METTL21C: variants seen among roughly 807,000 people sequenced by gnomAD.
METTL21C encodes protein-lysine methyltransferase METTL21C.
Under a neutral mutation model 25.9 loss-of-function variants are expected in METTL21C, and 21 were observed. The observed-to-expected ratio is 0.81, with a 90% CI of 0.58 to 1.17. METTL21C has a LOEUF of 1.17. Ranked by LOEUF, METTL21C falls within the 50% of genes most tolerant of loss-of-function variation. METTL21C has a pLI of 0.00. For synonymous variants in METTL21C, 125 were observed against 124.7 expected (o/e 1.00, Z -0.01); for missense variants, 312 against 315.1 (o/e 0.99, Z 0.07).
At position 102,686,485 on chromosome 13, in the gene METTL21C, C is replaced by G. The variant is rs1885678768; in HGVS notation, c.401-60G>C. On this transcript the variant is annotated intron_variant, in intron 3 of 3. Coordinates refer to ENST00000267273, the MANE Select transcript of METTL21C (RefSeq NM_001010977.3). ...CTGGGCAGTCACAGTGTACATATAC[C>G]CAGGGAGAAACACAAGAAACAACTG... 5.3e-6 allele frequency: 8 copies of G among 1,523,656 alleles called. No individual in the cohort carries two copies. In the Admixed American group the frequency reaches 8.6e-5, roughly 16 times the overall value. The allele number at this position is 1,523,656 out of a possible 1,614,324, so 94.4% of individuals were successfully genotyped here.
chr13:102,696,245 T>C (rs1885945619), upstream of METTL21C, among the ~76,000 whole-genome samples: 1 of 152,142 alleles, frequency 6.6e-6, no homozygotes, highest in African/African-American at 2.4e-5. Context: ...ACCATCATTC[T>C]CAGCAAACTA....
rs1885911307 is a variant in METTL21C at position 102,694,613 on chromosome 13, G to GT, written c.-116dup. On this transcript the variant is annotated 5_prime_UTR_variant, in exon 1 of 4. Transcript: ENST00000267273. ...CATCTATGATCTACATCGCATGTTC[G>GT]TAATTAATACAGAATTGGAAATGAC... is the stretch of plus-strand genomic sequence containing the variant. 6.0e-6 allele frequency: 1 copy of GT among 165,880 alleles called. No individual in the cohort carries two copies. The highest frequency in any genetic ancestry group is 8.2e-6 in the Non-Finnish European group (1 of 122,562). 10.3% of individuals were successfully genotyped at this position (165,880 alleles called of 1,614,324 possible). A position where few individuals can be genotyped will look rare whatever the true frequency, so the allele number is the denominator to read the frequency against.
chr13:102,700,132 T>C, the METTL21C span, among the ~76,000 whole-genome samples: 1 of 152,220 alleles, frequency 6.6e-6, no homozygotes, highest in Non-Finnish European at 1.5e-5. Context: ...AAATAAAGCA[T>C]AGCAGTAAAA....
rs772280054 is a variant in METTL21C at position 102,690,900 on chromosome 13, G to A, written c.195C>T (p.Ser65=). The A allele has an allele frequency of 2.5e-6, 4 of 1,614,142 alleles. No homozygotes were observed. The Admixed American group carries it at 6.7e-5, about 27-fold the overall frequency. ...CAAACCGATAATGCTCCTGAGTGTA[G>A]CTGGCGTAATCTGTAGGAACAAATT... is the stretch of plus-strand genomic sequence containing the variant. ...LQKFVPTDYA[S]YTQEHYRFAG... Residue 65 remains serine (S), a synonymous_variant, in exon 2 of 4, where the codon AGC becomes AGT. Transcript: ENST00000267273.
At chr13:102,702,232 A>AAGAG in the METTL21C span, among the ~76,000 whole-genome samples, 2 of 149,344 alleles carry the variant, frequency 1.3e-5, no homozygotes, top group Non-Finnish European at 2.9e-5. Context: ...GAGAGACAGA[A>AAGAG]AGAGAGAGAG....
Position 102,685,949 on chromosome 13 carries a change from G to A in METTL21C, c.*82C>T, listed in dbSNP as rs2139639143. On this transcript the variant is annotated 3_prime_UTR_variant, in exon 4 of 4. Transcript: ENST00000267273. ...TTCTATGCACTACCTTCTCAATCCT[G>A]TGAAAGAAGTCTATTACCAAAGCAA... The A allele has an allele frequency of 7.1e-7, 1 of 1,408,950 alleles. No homozygotes were observed. The highest frequency in any genetic ancestry group is 9.6e-7 in the Non-Finnish European group (1 of 1,044,988). The allele number at this position is 1,408,950 out of a possible 1,614,324, so 87.3% of individuals were successfully genotyped here. A position where few individuals can be genotyped will look rare whatever the true frequency, so the allele number is the denominator to read the frequency against.
chr13:102,697,858 C>A (rs951893263), upstream of METTL21C, among the ~76,000 whole-genome samples: 1 of 152,126 alleles, frequency 6.6e-6, no homozygotes, highest in African/African-American at 2.4e-5. Context: ...GAGCAGGCGA[C>A]CAGAGCTTAA....
In METTL21C at chr13:102,687,188, C is replaced by G. The variant is rs1566387560; in HGVS notation, c.283-131G>C. 5.0e-5 allele frequency: 33 copies of G among 665,026 alleles called. No individual in the cohort carries two copies. In the East Asian group the frequency reaches 8.3e-4, roughly 17 times the overall value. 41.2% of individuals were successfully genotyped at this position (665,026 alleles called of 1,614,324 possible). A position where few individuals can be genotyped will look rare whatever the true frequency, so the allele number is the denominator to read the frequency against. On this transcript the variant is annotated intron_variant, in intron 2 of 3. Transcript: ENST00000267273. Reference sequence around the variant, plus strand: ...TGTTCAGTTTATATTCATAAGAACCCAAATGTACACTCAATGCCATATTTA... The same window carrying G: ...TGTTCAGTTTATATTCATAAGAACCGAAATGTACACTCAATGCCATATTTA...
chr13:102,686,831 G>C lies in METTL21C; in HGVS notation c.400+109C>G, dbSNP rs139795143. 2.0e-4 allele frequency: 159 copies of C among 794,230 alleles called. 1 individual carries two copies. The highest frequency in any genetic ancestry group is 2.1e-6 in the Non-Finnish European group (1 of 469,584). The allele number at this position is 794,230 out of a possible 1,614,324, so 49.2% of individuals were successfully genotyped here. A position where few individuals can be genotyped will look rare whatever the true frequency, so the allele number is the denominator to read the frequency against. On this transcript the variant is annotated intron_variant, in intron 3 of 3. Transcript: ENST00000267273. ...GCATGACATTTTGGGGAGAGTCACT[G>C]AGTGAAGTTAGGGCCAGGCACCTAA...
At chr13:102,704,116 A>G in the METTL21C span, among the ~76,000 whole-genome samples, 1 of 152,358 alleles carries the variant, frequency 6.6e-6, no homozygotes, top group East Asian at 1.9e-4. Flanking sequence ...TTACAATCCA[A>G]CTAAACTTCT....
At chr13:102,695,879 A>G (rs981336133), upstream of METTL21C, among the ~76,000 whole-genome samples, 2 of 152,240 alleles carry the variant, frequency 1.3e-5, no homozygotes, top group African/African-American at 4.8e-5. Flanking sequence ...ACAATTCTAC[A>G]AAAACCTTTT....
intron 2 of METTL21C, among the ~76,000 whole-genome samples, chr13:102,688,296 A>G (rs951651839): frequency 1.3e-5 from 2 of 152,200 alleles, no homozygotes; most frequent in African/African-American, 4.8e-5. Context: ...TCATCTGTTC[A>G]TATTGAACTG....
Position 102,686,162 on chromosome 13 carries a change from C to G in METTL21C, c.664G>C (p.Ala222Pro). 6.2e-7 allele frequency: 1 copy of G among 1,614,144 alleles called. No individual in the cohort carries two copies. The highest frequency in any genetic ancestry group is 8.5e-7 in the Non-Finnish European group (1 of 1,180,022). The change falls in exon 4 of 4, where the codon GCA becomes CCA. Residue 222 changes from alanine to proline, a missense_variant. Physicochemically the swap from Ala to Pro is conservative, Grantham distance 27 (BLOSUM62 -1). Coordinates refer to ENST00000267273, the MANE Select transcript of METTL21C (RefSeq NM_001010977.3). ...LSQPGTVLLW[A>P]NKFRFSTDYE... is the part of the protein sequence containing the mutation. Reference sequence around the variant, plus strand: ...TCGGTGCTGAACCTGAATTTGTTTGCCCAAAGCAGCACCGTCCCTGGCTGG... The same window carrying G: ...TCGGTGCTGAACCTGAATTTGTTTGGCCAAAGCAGCACCGTCCCTGGCTGG...
At chr13:102,686,913 T>C (rs752843354) in intron 3 of METTL21C, 27 bp downstream of exon 3, 1 of 1,548,894 alleles carries the variant, frequency 6.5e-7, no homozygotes, top group African/African-American at 1.4e-5. Context: ...AAGATCTGGA[T>C]ACTAGGTCAG....
chr13:102,690,998 T>A, intron 1 of METTL21C, 34 bp from the exon 2 acceptor site: 1 of 1,610,794 alleles, frequency 6.2e-7, no homozygotes, highest in South Asian at 1.1e-5. Context: ...GAGTTCATGA[T>A]TTGTTCAAAT....
the METTL21C span, among the ~76,000 whole-genome samples, chr13:102,701,045 A>G: frequency 2.6e-5 from 4 of 151,980 alleles, no homozygotes; most frequent in Non-Finnish European, 1.5e-5. Context: ...TTAGGAAAGA[A>G]TGTGTTTACC....
upstream of METTL21C, among the ~76,000 whole-genome samples, chr13:102,697,210 CCT>C (rs1213271290): frequency 1.3e-5 from 2 of 152,110 alleles, no homozygotes; most frequent in Non-Finnish European, 2.9e-5. Flanking sequence ...CTGTCACTCG[CCT>C]CTCTCTGTCA....
upstream of METTL21C, among the ~76,000 whole-genome samples, chr13:102,697,134 G>T (rs1885960143): frequency 6.6e-6 from 1 of 152,114 alleles, no homozygotes; most frequent in African/African-American, 2.4e-5. Flanking sequence ...AATGGAAAGT[G>T]GGCCAGATTT....
intron 1 of METTL21C, among the ~76,000 whole-genome samples, chr13:102,691,628 G>A (rs1033579350): frequency 1.3e-5 from 2 of 152,202 alleles, no homozygotes; most frequent in Non-Finnish European, 2.9e-5. Flanking sequence ...GATTACAGGC[G>A]TGAGCCACCA....
Sources: gnomAD v4.1 joint callset for allele counts (sites outside exome capture counted in the v4.1 genomes callset) on GRCh38, gnomAD v4.1.1 for gene constraint, MANE v1.5 for transcripts, NCBI Gene and HGNC (gene_info 2026-07-23, HGNC 2026-07-21) for gene names.